ANO7: variants seen among roughly 807,000 people sequenced by gnomAD.
The protein encoded by ANO7 is anoctamin 7, also known as anoctamin-7.
A neutral mutation model predicts 115.8 loss-of-function variants in ANO7; 114 were observed. The observed-to-expected ratio is 0.98, with a 90% CI of 0.85 to 1.15. The LOEUF is 1.15. Among genes scored for constraint, ANO7 ranks in the 50% most tolerant of loss-of-function variants. ANO7 has a pLI of 0.00. For synonymous variants in ANO7, 550 were observed against 498.2 expected (o/e 1.10, Z -1.38); for missense variants, 1,302 against 1,201.2 (o/e 1.08, Z -1.24).
chr2:241,215,645 C>T (rs1343067548), intron 18 of ANO7, among the ~76,000 whole-genome samples: 1 of 152,208 alleles, frequency 6.6e-6, no homozygotes, highest in Non-Finnish European at 1.5e-5. Flanking sequence ...AGGAGCAGGG[C>T]ACGGATGAGT....
rs1479455334 is a variant in ANO7, at chr2:241,218,262, C to T, written c.2202C>T (p.Ser734=). ...AGGCCTTCCTCCTGGCCTTCTCGTCCGACTTCCTGCCGCGCGCCTACTACC... is the reference window on the plus strand; with the variant it reads ...AGGCCTTCCTCCTGGCCTTCTCGTCTGACTTCCTGCCGCGCGCCTACTACC... ...ISNAFLLAFS[S]DFLPRAYYRW... Residue 734 remains serine, a synonymous_variant, in exon 21 of 25, where the codon TCC becomes TCT. Coordinates refer to ENST00000674324, the MANE Select transcript of ANO7 (RefSeq NM_001370694.2). The T allele has an allele frequency of 8.5e-6, 13 of 1,530,846 alleles. No homozygotes were observed. The highest frequency in any genetic ancestry group is 7.1e-5 in the South Asian group (6 of 85,018). 94.8% of individuals were successfully genotyped at this position (1,530,846 alleles called of 1,614,324 possible).
In ANO7 at chr2:241,203,196, T is replaced by A; in HGVS notation, c.724-137T>A. 8.8e-6 allele frequency: 5 copies of A among 569,170 alleles called. No individual in the cohort carries two copies. The highest frequency in any genetic ancestry group is 1.2e-5 in the Non-Finnish European group (4 of 343,590). The allele number at this position is 569,170 out of a possible 1,614,324, so 35.3% of individuals were successfully genotyped here. On this transcript the variant is annotated intron_variant, in intron 8 of 24. Coordinates refer to ENST00000674324, the MANE Select transcript of ANO7 (RefSeq NM_001370694.2). This position sits in a 1 kb window ranked among gnomAD's most constrained non-coding sequence, Gnocchi z 4.8. ...CCCTGTACCCACCCCTCCACATTAC[T>A]CTATTTTTTCTTCATGGAGCAATCC...
chr2:241,225,923 C>A lies in ANO7; in HGVS notation c.*1770C>A, dbSNP rs564164777. 6.6e-6 allele frequency among the ~76,000 whole-genome samples: 1 copy of A among 152,216 alleles called. No individual in the cohort carries two copies. On this transcript the variant is annotated 3_prime_UTR_variant, in exon 25 of 25. Transcript: ENST00000674324. ...CAGCACAATGCTTACTACAAACCCA[C>A]GTGTACTTCCTTCCAGCTGGTTGCT...
chr2:241,208,245 C>G (rs1314555486), intron 11 of ANO7, among the ~76,000 whole-genome samples: 1 of 152,254 alleles, frequency 6.6e-6, no homozygotes, highest in East Asian at 1.9e-4. Flanking sequence ...CCTAGGACCA[C>G]AAATGGGGAC....
the ANO7 span, chr2:241,240,182 A>C: frequency 6.6e-7 from 1 of 1,526,698 alleles, no homozygotes; most frequent in South Asian, 1.1e-5. This position sits in a 1 kb window ranked among gnomAD's most constrained non-coding sequence, Gnocchi z 5.5. Context: ...ACAGTGAGGA[A>C]GACAAGAGGG....
At chr2:241,206,007 GAC>G (rs1315679793) in intron 10 of ANO7, among the ~76,000 whole-genome samples, 1 of 7,112 alleles carries the variant, frequency 1.4e-4, no homozygotes, top group Non-Finnish European at 2.4e-4. Context: ...CTCCCAGCCT[GAC>G]ACAGGTGGGC....
At chr2:241,229,037 A>AC (rs527662907), downstream of ANO7, 111 of 154,360 alleles carry the variant, frequency 7.2e-4, 2 homozygotes, top group South Asian at 0.021. Context: ...CTCTCAGGTC[A>AC]CCCCCCAGCT....
At chr2:241,212,708 G>A (rs1181256565) in intron 17 of ANO7, 82 bp downstream of exon 17, 4 of 1,448,096 alleles carry the variant, frequency 2.8e-6, no homozygotes, top group Non-Finnish European at 3.8e-6. Flanking sequence ...GCTTTGATTT[G>A]CAGCAATTCC....
rs2068691841 is a variant in ANO7 at position 241,210,350 on chromosome 2, C to CCATCGTGGT, written c.1416_1424dup (p.Ile473_Val475dup). On this transcript the variant is annotated inframe_insertion, in exon 14 of 25. Coordinates refer to ENST00000674324, the MANE Select transcript of ANO7 (RefSeq NM_001370694.2). Reference sequence around the variant, plus strand: ...ATCATCCTGTACCGTGCCATCATGGCCATCGTGGTGTCCAGGTCGGGCAAC... The same window carrying CCATCGTGGT: ...ATCATCCTGTACCGTGCCATCATGGCCATCGTGGTCATCGTGGTGTCCAGGTCGGGCAAC... 6.2e-7 allele frequency: 1 copy of CCATCGTGGT among 1,613,952 alleles called. No individual in the cohort carries two copies. The highest frequency in any genetic ancestry group is 8.5e-7 in the Non-Finnish European group (1 of 1,179,992).
At chr2:241,212,263 T>C (rs2068734402) in intron 16 of ANO7, 58 bp downstream of exon 16, 1 of 1,483,990 alleles carries the variant, frequency 6.7e-7, no homozygotes, top group Admixed American at 1.7e-5. Flanking sequence ...CTGCTCATGT[T>C]TCCCGCTGCC....
At chr2:241,235,621 C>G in the ANO7 span, 1 of 1,532,030 alleles carries the variant, frequency 6.5e-7, no homozygotes, top group African/African-American at 1.4e-5. Context: ...CATGGTTAGG[C>G]CGTGGGAGCT....
chr2:241,223,811 C>T (rs760834241), intron 23 of ANO7, 30 bp downstream of exon 23: 3 of 1,614,152 alleles, frequency 1.9e-6, no homozygotes, highest in Non-Finnish European at 2.5e-6. Flanking sequence ...CTCGGCCCTC[C>T]CCCCAGCCCT....
Position 241,216,135 on chromosome 2 carries a change from G to A in ANO7, c.1869G>A (p.Lys623=), listed in dbSNP as rs758035370. 6.2e-7 allele frequency: 1 copy of A among 1,613,202 alleles called. No individual in the cohort carries two copies. Among genetic ancestry groups the A allele is most frequent in the East Asian group, 2.2e-5 (1 of 44,886 alleles). The change falls in exon 19 of 25, where the codon AAG becomes AAA. Residue 623 remains lysine, a synonymous_variant. Coordinates refer to ENST00000674324, the MANE Select transcript of ANO7 (RefSeq NM_001370694.2). The part of the protein sequence containing the change: ...GWWQKFRLRS[K]KRKAGASAGA... ...GGCAGAAGTTCCGGCTTCGCTCCAA[G>A]AAGAGGAAGGCGGGAGCTTCTGCAG... is the stretch of plus-strand genomic sequence containing the variant.
At chr2:241,209,086 G>GAT (rs2068657647) in intron 11 of ANO7, among the ~76,000 whole-genome samples, 199 bp from the exon 12 acceptor site, 1 of 152,186 alleles carries the variant, frequency 6.6e-6, no homozygotes, top group East Asian at 1.9e-4. Context: ...GAGGCGAAGC[G>GAT]TGCAGTGAGC....
At position 241,188,731 on chromosome 2, in the gene ANO7, G is replaced by A. The variant is rs774683801; in HGVS notation, c.-43G>A. The A allele has an allele frequency of 1.9e-6, 3 of 1,613,500 alleles. No individual in the cohort carries two copies. In the East Asian group the frequency reaches 6.7e-5, roughly 36 times the overall value. On this transcript the variant is annotated 5_prime_UTR_variant, in exon 1 of 25. The change abolishes an upstream ATG in the 5' untranslated region. Coordinates refer to ENST00000674324, the MANE Select transcript of ANO7 (RefSeq NM_001370694.2). The surrounding 1 kb of genome is among the most constrained non-coding windows in gnomAD (Gnocchi z 4.3). ...AGGCTCACGCTGAGAGGTGGGCCAT[G>A]ACCTCCGAGACCTCTTCCGGAAGCC...
rs1222975055 is a variant in ANO7 at position 241,218,234 on chromosome 2, C to T, written c.2179-5C>T. 2.0e-6 allele frequency: 3 copies of T among 1,490,844 alleles called. No homozygotes were observed. The highest frequency in any genetic ancestry group is 2.5e-5 in the South Asian group (2 of 81,122). The allele number at this position is 1,490,844 out of a possible 1,614,324, so 92.4% of individuals were successfully genotyped here. On this transcript the variant is annotated splice_polypyrimidine_tract_variant and splice_region_variant and intron_variant, in intron 20 of 24. Coordinates refer to ENST00000674324, the MANE Select transcript of ANO7 (RefSeq NM_001370694.2). Reference sequence around the variant, plus strand: ...CCGCCTCGCGCTGACCCCTCCGGCGCCCAGGCCTTCCTCCTGGCCTTCTCG... The same window carrying T: ...CCGCCTCGCGCTGACCCCTCCGGCGTCCAGGCCTTCCTCCTGGCCTTCTCG...
At chr2:241,230,248 T>C (rs1293293553), downstream of ANO7, 5 of 1,596,638 alleles carry the variant, frequency 3.1e-6, no homozygotes, top group East Asian at 1.1e-4. This position sits in a 1 kb window ranked among gnomAD's most constrained non-coding sequence, Gnocchi z 5.0. Flanking sequence ...GGGGCTCCGC[T>C]CTGTGGGAAG....
intron 5 of ANO7, among the ~76,000 whole-genome samples, 187 bp downstream of exon 5, chr2:241,199,610 C>T (rs888984549): frequency 2.0e-5 from 3 of 152,224 alleles, no homozygotes; most frequent in African/African-American, 7.2e-5. Context: ...TGGCATCCCC[C>T]ACAGTGGGCT....
Position 241,219,722 on chromosome 2 carries a change from C to T in ANO7, c.2321+1341C>T, listed in dbSNP as rs975733327. 4.2e-5 allele frequency among the ~76,000 whole-genome samples: 6 copies of T among 142,654 alleles called. No homozygotes were observed. In the South Asian group the frequency reaches 1.5e-3, roughly 36 times the overall value. The allele number at this position is 142,654 out of a possible 152,430, so 93.6% of individuals were successfully genotyped here. A position where few individuals can be genotyped will look rare whatever the true frequency, so the allele number is the denominator to read the frequency against. On this transcript the variant is annotated intron_variant, in intron 21 of 24. Transcript: ENST00000674324. Reference sequence around the variant, plus strand: ...AGCCAGAACTACAGGCGTGTGCCACCAGGCCTGGCTTTTTTTTTTTTTTTT... The same window carrying T: ...AGCCAGAACTACAGGCGTGTGCCACTAGGCCTGGCTTTTTTTTTTTTTTTT...
Sources: gnomAD v4.1 joint callset for allele counts (sites outside exome capture counted in the v4.1 genomes callset) on GRCh38, gnomAD v4.1.1 for gene constraint, Gnocchi (gnomAD v3.1) non-coding constraint, MANE v1.5 for transcripts, NCBI Gene and HGNC (gene_info 2026-07-23, HGNC 2026-07-21) for gene names.